The following TAP2 variants were observed in gnomAD, a reference collection of about 807,000 sequenced individuals.
TAP2 encodes the protein antigen peptide transporter 2.
A neutral mutation model predicts 74.7 loss-of-function variants in TAP2; 49 were observed. That is an observed-to-expected ratio of 0.66 (90% CI 0.52 to 0.83). The LOEUF (loss-of-function observed/expected upper bound fraction) is 0.83. Among genes scored for constraint, TAP2 ranks in the 40% least tolerant of loss-of-function variants. The probability of loss-of-function intolerance (pLI) is 0.00; values close to 1 mark genes in which losing one functional copy is unlikely to be tolerated. For missense variants in TAP2, 739 were observed against 859.0 expected, an observed-to-expected ratio of 0.86 and a Z score of 1.75; for synonymous variants, 306 against 368.4, an observed-to-expected ratio of 0.83 and a Z score of 1.94.
chr6:32,825,817 T>C lies in TAP2; in HGVS notation c.*3089A>G. On this transcript the variant is annotated 3_prime_UTR_variant, in exon 12 of 12. Transcript: ENST00000374897. ...GGCAAGTCCACCTCTTCCTTAGCTA[T>C]GTGACCCAGGCAAGTTAGTAAATGT... 3.7e-6 allele frequency: 1 copy of C among 272,614 alleles called. No homozygotes were observed. The highest frequency in any genetic ancestry group is 5.6e-6 in the Non-Finnish European group (1 of 178,442). 16.9% of individuals were successfully genotyped at this position (272,614 alleles called of 1,614,324 possible).
chr6:32,826,989 T>C lies in TAP2; in HGVS notation c.*1917A>G, dbSNP rs1271872153. On this transcript the variant is annotated 3_prime_UTR_variant, in exon 12 of 12. Transcript: ENST00000374897. ...CTCCAAATGCCTATTTTACCCTCTGTGAAATTTGAGAGATGGATGGGTGTG... is the reference window on the plus strand; with the variant it reads ...CTCCAAATGCCTATTTTACCCTCTGCGAAATTTGAGAGATGGATGGGTGTG... 8 of 985,190 alleles carry C rather than the reference T, an allele frequency of 8.1e-6. No individual in the cohort carries two copies. The highest frequency in any genetic ancestry group is 5.2e-5 in the African/African-American group (3 of 57,190). The allele number at this position is 985,190 out of a possible 1,614,324, so 61.0% of individuals were successfully genotyped here.
At position 32,835,437 on chromosome 6, in the gene TAP2, C is replaced by T; in HGVS notation, c.740-78G>A. On this transcript the variant is annotated intron_variant, in intron 4 of 11. Transcript: ENST00000374897. This position sits in a 1 kb window ranked among gnomAD's most constrained non-coding sequence, Gnocchi z 4.0. ...CCCCAGAAACTCCCTCCTGACCGTT[C>T]CCTCTGACACAGCCCCCTCCTCTGA... The T allele has an allele frequency of 1.3e-6, 2 of 1,517,728 alleles. No homozygotes were observed. The highest frequency in any genetic ancestry group is 1.8e-6 in the Non-Finnish European group (2 of 1,100,658). The allele number at this position is 1,517,728 out of a possible 1,614,324, so 94.0% of individuals were successfully genotyped here. A position where few individuals can be genotyped will look rare whatever the true frequency, so the allele number is the denominator to read the frequency against.
chr6:32,835,814 A>G lies in TAP2; in HGVS notation c.609-41T>C, dbSNP rs545182541. 328 of 1,612,922 alleles carry G rather than the reference A, an allele frequency of 2.0e-4. 3 individuals are homozygous for G. The South Asian group carries it at 3.6e-3, about 18-fold the overall frequency. The stretch of plus-strand genomic sequence containing the variant: ...ATAAGAGGGGAGGGAGATGCAGAGA[A>G]GGAGCAAGCCAGCGGGTGAAACAGA... On this transcript the variant is annotated intron_variant, in intron 3 of 11. Coordinates refer to ENST00000374897, the MANE Select transcript of TAP2 (RefSeq NM_001290043.2). This position sits in a 1 kb window ranked among gnomAD's most constrained non-coding sequence, Gnocchi z 4.0.
chr6:32,825,870 G>A lies in TAP2; in HGVS notation c.*3036C>T, dbSNP rs1768615938. The A allele has an allele frequency of 1.7e-6, 1 of 582,174 alleles. No individual in the cohort carries two copies. The highest frequency in any genetic ancestry group is 2.0e-5 in the African/African-American group (1 of 48,834). The allele number at this position is 582,174 out of a possible 1,614,324, so 36.1% of individuals were successfully genotyped here. On this transcript the variant is annotated 3_prime_UTR_variant, in exon 12 of 12. Coordinates refer to ENST00000374897, the MANE Select transcript of TAP2 (RefSeq NM_001290043.2). ...CTAAAACTCCATTTTCTCACTCTTA[G>A]AATTGAGATAGTAATACCTGCCACA...
At position 32,827,929 on chromosome 6, in the gene TAP2, G is replaced by A. The variant is rs55781756; in HGVS notation, c.*977C>T. 84,820 of 981,356 alleles carry A rather than the reference G, an allele frequency of 0.086. 4,200 individuals are homozygous for A. Among genetic ancestry groups the A allele is most frequent in the Middle Eastern group, 0.22 (418 of 1,904 alleles). 60.8% of individuals were successfully genotyped at this position (981,356 alleles called of 1,614,324 possible). ...GTCTATGAGTGAAGACTATAACAAC[G>A]GGACTGGAGAGAAGAGAATAGATTC... On this transcript the variant is annotated 3_prime_UTR_variant, in exon 12 of 12. Transcript: ENST00000374897.
Position 32,838,111 on chromosome 6 carries a change from C to A in TAP2, c.123G>T (p.Glu41Asp). ...LPQGLPGLWL[E>D]GTLRLGGLWG... ...ACAGCCCTCCCAGCCGCAGGGTCCC[C>A]TCCAGCCATAGTCCTGGCAGCCCTT... The change falls in exon 2 of 12, where the codon GAG becomes GAT. Residue 41 changes from glutamate to aspartate, a missense_variant. By Grantham distance (45) the Glu-to-Asp change is conservative (BLOSUM62 2). Coordinates refer to ENST00000374897, the MANE Select transcript of TAP2 (RefSeq NM_001290043.2). The A allele has an allele frequency of 6.2e-7, 1 of 1,611,604 alleles. No individual in the cohort carries two copies. Among genetic ancestry groups the A allele is most frequent in the Non-Finnish European group, 8.5e-7 (1 of 1,179,382 alleles).
At chr6:32,822,097 C>T, downstream of TAP2, 1 of 577,246 alleles carries the variant, frequency 1.7e-6, no homozygotes, top group Non-Finnish European at 3.1e-6. Context: ...CTCCAATCTG[C>T]AGCCACTTCT....
Position 32,826,281 on chromosome 6 carries a change from C to T in TAP2, c.*2625G>A, listed in dbSNP as rs1768645043. On this transcript the variant is annotated 3_prime_UTR_variant, in exon 12 of 12. Coordinates refer to ENST00000374897, the MANE Select transcript of TAP2 (RefSeq NM_001290043.2). ...TTCCACATAGGGCCGGGCAGACAGG[C>T]TATGGAGGTGTTTTGGCATCCAAGG... 1 of 985,326 alleles carries T rather than the reference C, an allele frequency of 1.0e-6. No individual in the cohort carries two copies. Among genetic ancestry groups the T allele is most frequent in the Non-Finnish European group, 1.2e-6 (1 of 829,958 alleles). The allele number at this position is 985,326 out of a possible 1,614,324, so 61.0% of individuals were successfully genotyped here.
chr6:32,832,146 T>C lies in TAP2; in HGVS notation c.1272+187A>G, dbSNP rs41316552. The C allele has an allele frequency of 0.15, 114,436 of 771,544 alleles. 9,065 individuals carry two copies. Among genetic ancestry groups the C allele is most frequent in the East Asian group, 0.22 (8,323 of 37,004 alleles). The allele number at this position is 771,544 out of a possible 1,614,324, so 47.8% of individuals were successfully genotyped here. A position where few individuals can be genotyped will look rare whatever the true frequency, so the allele number is the denominator to read the frequency against. ...GATCATTGTTAAAGCACAGGATGTA[T>C]ACATGTGAGTTTGTAATATTATTTT... On this transcript the variant is annotated intron_variant, in intron 7 of 11. Coordinates refer to ENST00000374897, the MANE Select transcript of TAP2 (RefSeq NM_001290043.2). This position sits in a 1 kb window ranked among gnomAD's most constrained non-coding sequence, Gnocchi z 5.9.
In TAP2 at chr6:32,835,080, T is replaced by C. The variant is rs1769323721; in HGVS notation, c.945+74A>G. The C allele has an allele frequency of 5.3e-6, 8 of 1,497,014 alleles. No individual in the cohort carries two copies. Among genetic ancestry groups the C allele is most frequent in the Non-Finnish European group, 6.5e-6 (7 of 1,082,058 alleles). 92.7% of individuals were successfully genotyped at this position (1,497,014 alleles called of 1,614,324 possible). On this transcript the variant is annotated intron_variant, in intron 5 of 11. Coordinates refer to ENST00000374897, the MANE Select transcript of TAP2 (RefSeq NM_001290043.2). This position sits in a 1 kb window ranked among gnomAD's most constrained non-coding sequence, Gnocchi z 4.0. The stretch of plus-strand genomic sequence containing the variant: ...GAACATCTCTCTCTAGGGGATCCTC[T>C]AGCCACAAATGTGGAAGCCTCCTCA...
chr6:32,829,112 A>C, intron 11 of TAP2, 78 bp from the exon 12 acceptor site: 1 of 1,515,142 alleles, frequency 6.6e-7, no homozygotes, highest in Non-Finnish European at 8.9e-7. Context: ...ATCTCTTATG[A>C]TTTAGGGTAA....
intron 1 of TAP2, 35 bp from the exon 2 acceptor site, chr6:32,838,272 T>C (rs1255814214): frequency 2.6e-6 from 4 of 1,521,172 alleles, no homozygotes; most frequent in Admixed American, 2.2e-5. Context: ...ATCATGGGGG[T>C]GGAGTCCCAA....
At chr6:32,825,230 A>C (rs1768569701), downstream of TAP2, among the ~76,000 whole-genome samples, 1 of 151,622 alleles carries the variant, frequency 6.6e-6, no homozygotes. Context: ...AATATCTATC[A>C]ATATTTGTAA....
chr6:32,831,896 G>A (rs183585), intron 7 of TAP2, among the ~76,000 whole-genome samples: 37,268 of 152,216 alleles, frequency 0.24, 4,697 homozygotes, highest in Admixed American at 0.31. Context: ...GATACCACAA[G>A]TGGAAATTTG....
In TAP2 at chr6:32,828,204, C is replaced by T. The variant is rs55738762; in HGVS notation, c.*702G>A. ...TAGGGTTGGGGATAATGATTAAAAA[C>T]GATAATACATGAAAAACACTTAGCA... is the stretch of plus-strand genomic sequence containing the variant. On this transcript the variant is annotated 3_prime_UTR_variant, in exon 12 of 12. Coordinates refer to ENST00000374897, the MANE Select transcript of TAP2 (RefSeq NM_001290043.2). 13,995 of 940,208 alleles carry T rather than the reference C, an allele frequency of 0.015. 123 individuals carry two copies. The highest frequency in any genetic ancestry group is 0.016 in the Non-Finnish European group (12,827 of 789,114). The allele number at this position is 940,208 out of a possible 1,614,324, so 58.2% of individuals were successfully genotyped here.
At chr6:32,831,173 C>T (rs181416817) in intron 7 of TAP2, among the ~76,000 whole-genome samples, 2 of 152,114 alleles carry the variant, frequency 1.3e-5, no homozygotes, top group African/African-American at 2.4e-5. Flanking sequence ...GAGTGCCCAG[C>T]GCAGTTCTCT....
chr6:32,823,205 T>A (rs57654360), downstream of TAP2, among the ~76,000 whole-genome samples: 4 of 152,140 alleles, frequency 2.6e-5, no homozygotes, highest in East Asian at 7.7e-4. Context: ...CAGGCATGAA[T>A]CACCAGGCCC....
In TAP2 at chr6:32,837,925, C is replaced by A; in HGVS notation, c.309G>T (p.Leu103=). Residue 103 remains leucine, a synonymous_variant, in exon 2 of 12, where the codon CTG becomes CTT. Transcript: ENST00000374897. ...RVASAPWSWL[L]VGYGAAGLSW... ...TGAGCCCCGCAGCCCCGTACCCCAC[C>A]AGCAGCCAGCTCCAAGGGGCTGAAG... 6.2e-7 allele frequency: 1 copy of A among 1,612,998 alleles called. No individual in the cohort carries two copies. Among genetic ancestry groups the A allele is most frequent in the Non-Finnish European group, 8.5e-7 (1 of 1,180,008 alleles).
Position 32,826,912 on chromosome 6 carries a change from A to G in TAP2, c.*1994T>C, listed in dbSNP as rs1417673299. 1.7e-5 allele frequency: 17 copies of G among 985,386 alleles called. No individual in the cohort carries two copies. Among genetic ancestry groups the G allele is most frequent in the Non-Finnish European group, 2.0e-5 (17 of 829,922 alleles). 61.0% of individuals were successfully genotyped at this position (985,386 alleles called of 1,614,324 possible). A position where few individuals can be genotyped will look rare whatever the true frequency, so the allele number is the denominator to read the frequency against. On this transcript the variant is annotated 3_prime_UTR_variant, in exon 12 of 12. Coordinates refer to ENST00000374897, the MANE Select transcript of TAP2 (RefSeq NM_001290043.2). ...ATACAGGAATTATTATTCCTGTTTTATGAATAAAGGACATTTGTGGGAGAG... is the reference window on the plus strand; with the variant it reads ...ATACAGGAATTATTATTCCTGTTTTGTGAATAAAGGACATTTGTGGGAGAG...
Sources: gnomAD v4.1 joint callset for allele counts (sites outside exome capture counted in the v4.1 genomes callset) on GRCh38, gnomAD v4.1.1 for gene constraint, Gnocchi (gnomAD v3.1) non-coding constraint, MANE v1.5 for transcripts, NCBI Gene and HGNC (gene_info 2026-07-23, HGNC 2026-07-21) for gene names.